Variants in SYNJ2 observed in about 807,000 individuals in gnomAD.
The protein encoded by SYNJ2 is synaptojanin 2.
Under a neutral mutation model 141.3 loss-of-function variants are expected in SYNJ2, and 116 were observed. The ratio of observed to expected loss-of-function variants is 0.82; its 90% CI spans 0.71 to 0.96. SYNJ2 has a LOEUF of 0.96. Ranked by LOEUF, SYNJ2 falls within the 40% of genes least tolerant of loss-of-function variation. SYNJ2 has a pLI of 0.00. For missense variants in SYNJ2, 1,873 were observed against 1,934.8 expected, an observed-to-expected ratio of 0.97 and a Z score of 0.60; for synonymous variants, 745 against 777.7, an observed-to-expected ratio of 0.96 and a Z score of 0.70.
chr6:158,067,380 T>C (rs765722463), intron 12 of SYNJ2: 278 of 964,584 alleles, frequency 2.9e-4, no homozygotes, highest in Non-Finnish European at 3.4e-4. Context: ...AAACCAACTC[T>C]ATTAATCTGC....
At chr6:157,985,673 G>A (rs989938550) in intron 1 of SYNJ2, among the ~76,000 whole-genome samples, 2 of 152,212 alleles carry the variant, frequency 1.3e-5, no homozygotes, top group African/African-American at 4.8e-5. Context: ...TTCAGAGTAA[G>A]CGACAGTGTT....
Position 158,084,263 on chromosome 6 carries a change from G to T in SYNJ2, c.3208+89G>T. The T allele has an allele frequency of 7.1e-7, 1 of 1,417,198 alleles. No homozygotes were observed. The highest frequency in any genetic ancestry group is 9.6e-7 in the Non-Finnish European group (1 of 1,042,390). 87.8% of individuals were successfully genotyped at this position (1,417,198 alleles called of 1,614,324 possible). The stretch of plus-strand genomic sequence containing the variant: ...TTTTCTCTTGGCGATTGGGCACTGT[G>T]TGATATCAAGTATGCAGGTCCCAGG... On this transcript the variant is annotated intron_variant, in intron 22 of 26. Transcript: ENST00000355585. This position sits in a 1 kb window ranked among gnomAD's most constrained non-coding sequence, Gnocchi z 5.0.
At chr6:158,000,317 T>C (rs1777798155) in intron 1 of SYNJ2, among the ~76,000 whole-genome samples, 1 of 152,120 alleles carries the variant, frequency 6.6e-6, no homozygotes, top group Admixed American at 6.6e-5. Flanking sequence ...AAACCATATG[T>C]GCCTGAGATG....
At position 158,043,865 on chromosome 6, in the gene SYNJ2, C is replaced by T. The variant is rs944766310; in HGVS notation, c.795+466C>T. 7.2e-5 allele frequency among the ~76,000 whole-genome samples: 11 copies of T among 152,168 alleles called. No homozygotes were observed. Among genetic ancestry groups the T allele is most frequent in the African/African-American group, 9.7e-5 (4 of 41,420 alleles). On this transcript the variant is annotated intron_variant, in intron 5 of 26. Coordinates refer to ENST00000355585, the MANE Select transcript of SYNJ2 (RefSeq NM_003898.4). This position sits in a 1 kb window ranked among gnomAD's most constrained non-coding sequence, Gnocchi z 4.0. ...CCACGTGAGACTTCCACAGCTTTCC[C>T]GTGATTTCTAAAAATACCCCTTGCC...
chr6:158,069,704 G>A, intron 14 of SYNJ2, 31 bp downstream of exon 14: 1 of 1,572,008 alleles, frequency 6.4e-7, no homozygotes. Context: ...CACATCTGGG[G>A]AACAAGGGGT....
intron 2 of SYNJ2, chr6:158,028,372 G>A (rs958244205): frequency 1.4e-5 from 3 of 215,366 alleles, no homozygotes; most frequent in Non-Finnish European, 2.8e-5. Context: ...GAGAGGCTTT[G>A]GGGGTAGGTC....
Position 158,062,081 on chromosome 6 carries a change from A to G in SYNJ2, c.1044A>G (p.Lys348=), listed in dbSNP as rs774246857. 3 of 1,614,170 alleles carry G rather than the reference A, an allele frequency of 1.9e-6. No individual in the cohort carries two copies. Among genetic ancestry groups the G allele is most frequent in the East Asian group, 2.2e-5 (1 of 44,882 alleles). Residue 348 remains lysine, a synonymous_variant, in exon 8 of 27, where the codon AAA becomes AAG. Transcript: ENST00000355585. ...HQFAKGGKLE[K]LETLLRPQLK... is the part of the protein sequence containing the mutation. Reference sequence around the variant, plus strand: ...TTGCCAAAGGTGGGAAGCTAGAGAAATTGGAGACCCTCTTGAGGCCACAGT... The same window carrying G: ...TTGCCAAAGGTGGGAAGCTAGAGAAGTTGGAGACCCTCTTGAGGCCACAGT...
chr6:158,062,031 A>G lies in SYNJ2; in HGVS notation c.994A>G (p.Met332Val), dbSNP rs745741351. Reference sequence around the variant, plus strand: ...TTCTTGCCACGCGGGCGACACGCCTATGATCAATTTTGACTTCCATCAGTT... The same window carrying G: ...TTCTTGCCACGCGGGCGACACGCCTGTGATCAATTTTGACTTCCATCAGTT... ...WASCHAGDTPMINFDFHQFAK... is the reference protein window; with the variant it reads ...WASCHAGDTPVINFDFHQFAK... The change falls in exon 8 of 27, where the codon ATG (methionine) becomes GTG (valine). Residue 332 changes from methionine (M) to valine (V), a missense_variant. By Grantham distance (21) the Met-to-Val change is conservative (BLOSUM62 1). Transcript: ENST00000355585. 2.5e-5 allele frequency: 40 copies of G among 1,614,008 alleles called. No homozygotes were observed. Among genetic ancestry groups the G allele is most frequent in the Middle Eastern group, 1.6e-4 (1 of 6,074 alleles).
intron 4 of SYNJ2, among the ~76,000 whole-genome samples, chr6:158,042,900 A>T (rs773605582): frequency 6.6e-6 from 1 of 152,192 alleles, no homozygotes; most frequent in Admixed American, 6.5e-5. Context: ...TCCTTTTCTC[A>T]TAGCTCTCTT....
chr6:158,047,791 A>AAAAAAG (rs1562355827), intron 5 of SYNJ2, among the ~76,000 whole-genome samples: 1 of 148,606 alleles, frequency 6.7e-6, no homozygotes, highest in Non-Finnish European at 1.5e-5. Context: ...AAAAAAAAAA[A>AAAAAAG]AAAAAAAAAA....
intron 24 of SYNJ2, 25 bp downstream of exon 24, chr6:158,088,797 A>G (rs547266303): frequency 1.3e-5 from 21 of 1,556,538 alleles, no homozygotes; most frequent in East Asian, 6.7e-5. Context: ...ATACATTTCA[A>G]TCCCAAGGGT....
intron 1 of SYNJ2, among the ~76,000 whole-genome samples, chr6:158,005,955 C>T (rs1217674079): frequency 6.6e-6 from 1 of 152,188 alleles, no homozygotes; most frequent in Non-Finnish European, 1.5e-5. Context: ...TGCAGATGCC[C>T]ATGGCCTGCT....
In SYNJ2 at chr6:158,064,655, C is replaced by A. The variant is rs563234772; in HGVS notation, c.1264C>A (p.Arg422Ser). 1 of 1,614,106 alleles carries A rather than the reference C, an allele frequency of 6.2e-7. No homozygotes were observed. Among genetic ancestry groups the A allele is most frequent in the South Asian group, 1.1e-5 (1 of 91,084 alleles). Residue 422 changes from arginine (R) to serine (S), a missense_variant, in exon 10 of 27, where the codon CGC becomes AGC. Physicochemically the swap from Arg to Ser is moderately radical, Grantham distance 110. Coordinates refer to ENST00000355585, the MANE Select transcript of SYNJ2 (RefSeq NM_003898.4). ...GCTGAGTTCAAAACCCATCGTTGAC[C>A]GCTTTGTGGAGTCCTTCAAAGCCAT... is the stretch of plus-strand genomic sequence containing the variant. ...LGLSSKPIVD[R>S]FVESFKAMWS...
At chr6:158,058,882 A>G (rs1475803898) in intron 6 of SYNJ2, among the ~76,000 whole-genome samples, 1 of 152,352 alleles carries the variant, frequency 6.6e-6, no homozygotes, top group East Asian at 1.9e-4. Context: ...GCAGTGAGCT[A>G]TGATCGTGCC....
intron 1 of SYNJ2, among the ~76,000 whole-genome samples, chr6:157,986,936 T>C (rs538503279): frequency 2.0e-5 from 3 of 152,060 alleles, no homozygotes; most frequent in Non-Finnish European, 2.9e-5. Flanking sequence ...TTTTTTTTTT[T>C]CTTGCATTTA....
chr6:158,076,716 T>C lies in SYNJ2; in HGVS notation c.2383T>C (p.Cys795Arg), dbSNP rs542740914. 4 of 1,614,020 alleles carry C rather than the reference T, an allele frequency of 2.5e-6. No homozygotes were observed. The highest frequency in any genetic ancestry group is 3.4e-6 in the Non-Finnish European group (4 of 1,180,006). Residue 795 changes from cysteine (C) to arginine (R), a missense_variant, in exon 17 of 27, where the codon TGC (cysteine) becomes CGC (arginine). Transcript: ENST00000355585. ...GSAAYDTSDKCRTPAWTDRVL... is the reference protein window; with the variant it reads ...GSAAYDTSDKRRTPAWTDRVL... ...AGCCGCCTACGATACAAGCGACAAA[T>C]GCCGCACCCCCGCCTGGACAGACAG...
intron 1 of SYNJ2, among the ~76,000 whole-genome samples, chr6:157,998,813 G>A (rs747469654): frequency 1.1e-4 from 17 of 152,178 alleles, no homozygotes; most frequent in South Asian, 2.1e-4. Context: ...CACTCGAAGC[G>A]TTGAGCTCCA....
rs187044149 is a variant in SYNJ2, at chr6:158,072,934, G to T, written c.2133+1140G>T. 9.7e-3 allele frequency among the ~76,000 whole-genome samples: 1,465 copies of T among 151,692 alleles called. 11 individuals carry two copies. Among genetic ancestry groups the T allele is most frequent in the Non-Finnish European group, 0.015 (991 of 67,926 alleles). On this transcript the variant is annotated intron_variant, in intron 15 of 26. Transcript: ENST00000355585. ...AAAATACAAAAAAAATTAGCCAGGC[G>T]TGGTGGCGTGCACCTGTAATCCCAG...
At chr6:158,066,380 C>G (rs1781566004) in intron 11 of SYNJ2, 64 bp from the exon 12 acceptor site, 2 of 1,586,056 alleles carry the variant, frequency 1.3e-6, no homozygotes, top group Admixed American at 1.7e-5. Flanking sequence ...CCTCATCTGT[C>G]TTTTTGGAGG....
Sources: gnomAD v4.1 joint callset for allele counts (sites outside exome capture counted in the v4.1 genomes callset) on GRCh38, gnomAD v4.1.1 for gene constraint, Gnocchi (gnomAD v3.1) non-coding constraint, MANE v1.5 for transcripts, NCBI Gene and HGNC (gene_info 2026-07-23, HGNC 2026-07-21) for gene names.